Variants in TECPR2 observed in about 807,000 individuals in gnomAD.
TECPR2 encodes tectonin beta-propeller repeat containing 2, also known as tectonin beta-propeller repeat-containing protein 2.
In TECPR2, 65 loss-of-function variants were observed where a neutral mutation model predicts 138.1. The observed-to-expected ratio is 0.47, with a 90% CI of 0.39 to 0.58. TECPR2 has a LOEUF of 0.58. Ranked by LOEUF, TECPR2 falls within the 20% of genes least tolerant of loss-of-function variation. The probability of loss-of-function intolerance (pLI) is 0.00; values close to 1 mark genes in which losing one functional copy is unlikely to be tolerated. For missense variants in TECPR2, 1,553 were observed against 1,824.5 expected, an observed-to-expected ratio of 0.85 and a Z score of 2.71; for synonymous variants, 746 against 749.8, an observed-to-expected ratio of 0.99 and a Z score of 0.08.
chr14:102,368,376 TTTG>T (rs1233692329), intron 1 of TECPR2, among the ~76,000 whole-genome samples: 4 of 152,098 alleles, frequency 2.6e-5, no homozygotes, highest in Admixed American at 2.6e-4. Flanking sequence ...AAAATTGTCT[TTTG>T]TTGTTGTTTT....
rs760672666 is a variant in TECPR2 at position 102,499,104 on chromosome 14, C to T, written c.*847C>T. On this transcript the variant is annotated 3_prime_UTR_variant, in exon 20 of 20. Transcript: ENST00000359520. ...TGCCCGCCTCCTGGAGAGCACACTT[C>T]AGCTGAAACAGTAAAGCCTGATGGG... The T allele has an allele frequency of 4.3e-6, 3 of 703,036 alleles. No individual in the cohort carries two copies. The highest frequency in any genetic ancestry group is 3.0e-5 in the South Asian group (2 of 67,598). The allele number at this position is 703,036 out of a possible 1,614,324, so 43.5% of individuals were successfully genotyped here.
Position 102,465,401 on chromosome 14 carries a change from G to A in TECPR2, c.3789+112G>A, listed in dbSNP as rs78678965. On this transcript the variant is annotated intron_variant, in intron 17 of 19. Coordinates refer to ENST00000359520, the MANE Select transcript of TECPR2 (RefSeq NM_014844.5). ...CCTCTAGAGGCCTCCCAGCAAATGC[G>A]GGGAGCCATGCCCCCAGGGTCTACA... 0.036 allele frequency: 53,302 copies of A among 1,468,102 alleles called. 1,154 individuals carry two copies. The highest frequency in any genetic ancestry group is 0.042 in the Non-Finnish European group (47,351 of 1,115,426). 90.9% of individuals were successfully genotyped at this position (1,468,102 alleles called of 1,614,324 possible).
intron 11 of TECPR2, among the ~76,000 whole-genome samples, chr14:102,441,145 A>G (rs903122524): frequency 6.6e-6 from 1 of 152,050 alleles, no homozygotes; most frequent in African/African-American, 2.4e-5. Context: ...ACTCACTGCA[A>G]CCTCTGCCTC....
intron 2 of TECPR2, among the ~76,000 whole-genome samples, chr14:102,379,420 G>A (rs1887731169): frequency 6.6e-6 from 1 of 151,506 alleles, no homozygotes; most frequent in Non-Finnish European, 1.5e-5. Context: ...CATGCACAGA[G>A]GCATCCTAGT....
intron 4 of TECPR2, among the ~76,000 whole-genome samples, chr14:102,409,815 A>AT (rs1888772678): frequency 6.6e-6 from 1 of 150,932 alleles, no homozygotes; most frequent in African/African-American, 2.4e-5. Flanking sequence ...AAATATACAT[A>AT]TTTTTTTGAG....
At chr14:102,421,071 C>T (rs1278976826) in intron 5 of TECPR2, among the ~76,000 whole-genome samples, 3 of 152,164 alleles carry the variant, frequency 2.0e-5, no homozygotes, top group Non-Finnish European at 1.5e-5. Context: ...GTAGGAATCA[C>T]TAAATGTTTG....
intron 17 of TECPR2, among the ~76,000 whole-genome samples, chr14:102,490,326 T>C (rs139756738): frequency 2.6e-5 from 4 of 152,352 alleles, no homozygotes; most frequent in African/African-American, 9.6e-5. Context: ...CATCCCTCAC[T>C]GATGCCCAGC....
intron 8 of TECPR2, 30 bp from the exon 9 acceptor site, chr14:102,434,205 C>T (rs756841022): frequency 1.5e-5 from 20 of 1,343,976 alleles, no homozygotes; most frequent in East Asian, 2.7e-5. Flanking sequence ...AGAACCGTGC[C>T]TTATTTTGAA....
At chr14:102,491,610 G>A (rs1206046085) in intron 17 of TECPR2, among the ~76,000 whole-genome samples, 1 of 151,624 alleles carries the variant, frequency 6.6e-6, no homozygotes, top group East Asian at 1.9e-4. Context: ...AGCCCTAGCA[G>A]CCACTCTGGC....
At chr14:102,423,999 C>T (rs908363097) in intron 5 of TECPR2, among the ~76,000 whole-genome samples, 2 of 152,318 alleles carry the variant, frequency 1.3e-5, no homozygotes, top group South Asian at 2.1e-4. Flanking sequence ...TCCTCCAAAA[C>T]GGGAGTTGTA....
chr14:102,434,120 C>T, intron 8 of TECPR2, 115 bp from the exon 9 acceptor site: 1 of 972,456 alleles, frequency 1.0e-6, no homozygotes, highest in Non-Finnish European at 1.4e-6. Context: ...TCTTCATTCA[C>T]CAAATATCCT....
At chr14:102,483,791 CTTTTTTT>C (rs71119708) in intron 17 of TECPR2, among the ~76,000 whole-genome samples, 1 of 92,468 alleles carries the variant, frequency 1.1e-5, no homozygotes, top group Non-Finnish European at 2.0e-5. Flanking sequence ...TTTTCCTTTT[CTTTTTTT>C]TTTTTTTTTT....
chr14:102,369,074 T>C (rs1343625303), intron 1 of TECPR2, among the ~76,000 whole-genome samples: 3 of 152,196 alleles, frequency 2.0e-5, no homozygotes, highest in Admixed American at 6.5e-5. Context: ...AAGTTGCTTT[T>C]GGTAGGATTA....
At chr14:102,482,096 C>G (rs183254746) in intron 17 of TECPR2, among the ~76,000 whole-genome samples, 3 of 152,066 alleles carry the variant, frequency 2.0e-5, no homozygotes, top group Admixed American at 1.3e-4. Context: ...GTTGCCCAGG[C>G]TGGCGTGCAA....
intron 17 of TECPR2, among the ~76,000 whole-genome samples, chr14:102,489,697 C>T (rs1341101820): frequency 9.7e-6 from 1 of 103,538 alleles, no homozygotes; most frequent in Non-Finnish European, 1.8e-5. Context: ...AAGAGCAAAA[C>T]TGTGTCAAAA....
At chr14:102,402,423 A>C (rs1888518109) in intron 2 of TECPR2, among the ~76,000 whole-genome samples, 1 of 152,158 alleles carries the variant, frequency 6.6e-6, no homozygotes, top group Non-Finnish European at 1.5e-5. Context: ...TATAGCTTTA[A>C]ATATATACAT....
intron 17 of TECPR2, among the ~76,000 whole-genome samples, chr14:102,484,911 G>A (rs528932033): frequency 2.6e-5 from 4 of 152,280 alleles, no homozygotes; most frequent in Non-Finnish European, 4.4e-5. Flanking sequence ...GGTCTGCCTC[G>A]GCTTCCCAAA....
In TECPR2 at chr14:102,498,580, G is replaced by C; in HGVS notation, c.*323G>C. ...ATAGCTCCAGCTTTTGTTGGTGGGA[G>C]TGGTCTCCGGAGGCCTCCCAGAACC... On this transcript the variant is annotated 3_prime_UTR_variant, in exon 20 of 20. Coordinates refer to ENST00000359520, the MANE Select transcript of TECPR2 (RefSeq NM_014844.5). 2.3e-6 allele frequency: 1 copy of C among 443,134 alleles called. No individual in the cohort carries two copies. Among genetic ancestry groups the C allele is most frequent in the South Asian group, 2.2e-5 (1 of 45,902 alleles). 27.5% of individuals were successfully genotyped at this position (443,134 alleles called of 1,614,324 possible). A position where few individuals can be genotyped will look rare whatever the true frequency, so the allele number is the denominator to read the frequency against.
At chr14:102,452,826 GC>G in intron 16 of TECPR2, among the ~76,000 whole-genome samples, 199 bp downstream of exon 16, 1 of 152,162 alleles carries the variant, frequency 6.6e-6, no homozygotes. Flanking sequence ...CCCTTCCCCT[GC>G]CCCTTAGAGT....
Sources: gnomAD v4.1 joint callset for allele counts (sites outside exome capture counted in the v4.1 genomes callset) on GRCh38, gnomAD v4.1.1 for gene constraint, MANE v1.5 for transcripts, NCBI Gene and HGNC (gene_info 2026-07-23, HGNC 2026-07-21) for gene names.